GPM6A: variants seen among roughly 807,000 people sequenced by gnomAD.
The protein encoded by GPM6A is glycoprotein M6A.
Under a neutral mutation model 32.1 loss-of-function variants are expected in GPM6A, and 7 were observed. That is an observed-to-expected ratio of 0.22 (90% CI 0.12 to 0.41). GPM6A has a LOEUF of 0.41. GPM6A is among the 10% of genes least tolerant of loss of function. The pLI is 1.00. For synonymous variants in GPM6A, 130 were observed against 123.4 expected (o/e 1.05, Z -0.35); for missense variants, 235 against 347.2 (o/e 0.68, Z 2.57).
intron 1 of GPM6A, among the ~76,000 whole-genome samples, chr4:176,002,071 C>G (rs894432962): frequency 1.3e-5 from 2 of 151,928 alleles, no homozygotes; most frequent in African/African-American, 4.8e-5. Context: ...CCTCCCGACC[C>G]ACTGTAAACA....
intron 1 of GPM6A, among the ~76,000 whole-genome samples, chr4:175,831,456 A>G (rs1483967641): frequency 2.0e-5 from 3 of 152,178 alleles, no homozygotes; most frequent in Admixed American, 2.0e-4. Context: ...TGAACAGACC[A>G]ATCTCCCAAT....
At chr4:175,659,228 G>A (rs1742262650) in intron 3 of GPM6A, among the ~76,000 whole-genome samples, 1 of 151,798 alleles carries the variant, frequency 6.6e-6, no homozygotes, top group Non-Finnish European at 1.5e-5. Context: ...GACTACAGGT[G>A]CACGCCGCAG....
chr4:175,687,032 A>G (rs1216651335), intron 2 of GPM6A, among the ~76,000 whole-genome samples: 1 of 152,234 alleles, frequency 6.6e-6, no homozygotes, highest in African/African-American at 2.4e-5. Context: ...GTGTATAGAT[A>G]TATTGAAGTT....
chr4:175,889,799 C>T (rs1462168180), intron 1 of GPM6A, among the ~76,000 whole-genome samples: 3 of 151,240 alleles, frequency 2.0e-5, no homozygotes, highest in Non-Finnish European at 4.4e-5. Flanking sequence ...GGTGACAGAG[C>T]GAGACTCCGT....
intron 1 of GPM6A, among the ~76,000 whole-genome samples, chr4:175,949,975 T>G (rs1212366529): frequency 1.3e-5 from 2 of 152,214 alleles, no homozygotes; most frequent in African/African-American, 4.8e-5. Flanking sequence ...GATAAAGTTC[T>G]TAGTAATCAG....
intron 1 of GPM6A, among the ~76,000 whole-genome samples, chr4:175,788,284 C>T (rs953103502): frequency 1.3e-5 from 2 of 151,968 alleles, no homozygotes; most frequent in Non-Finnish European, 2.9e-5. Flanking sequence ...AGGATGAAAG[C>T]AAAGATTTTT....
intron 1 of GPM6A, among the ~76,000 whole-genome samples, chr4:175,956,558 T>C (rs1369433379): frequency 1.3e-5 from 2 of 152,210 alleles, no homozygotes; most frequent in Non-Finnish European, 2.9e-5. Flanking sequence ...AAATGATTTC[T>C]CAGTCAAATA....
At chr4:175,921,399 G>A (rs1378754391) in intron 1 of GPM6A, among the ~76,000 whole-genome samples, 2 of 151,926 alleles carry the variant, frequency 1.3e-5, no homozygotes, top group Non-Finnish European at 2.9e-5. Flanking sequence ...CACTGAAAAA[G>A]ACAGTGGAAA....
At chr4:175,681,327 T>C (rs1469720713) in intron 2 of GPM6A, among the ~76,000 whole-genome samples, 2 of 152,196 alleles carry the variant, frequency 1.3e-5, no homozygotes, top group African/African-American at 4.8e-5. Flanking sequence ...TATTGCTTTA[T>C]TTATCTTAGG....
At chr4:175,930,508 C>G (rs1345849311) in intron 1 of GPM6A, among the ~76,000 whole-genome samples, 1 of 151,196 alleles carries the variant, frequency 6.6e-6, no homozygotes, top group African/African-American at 2.4e-5. Flanking sequence ...TATTATACAG[C>G]TTATTTTATG....
intron 1 of GPM6A, among the ~76,000 whole-genome samples, chr4:175,873,753 T>G (rs969978488): frequency 2.0e-5 from 3 of 152,228 alleles, no homozygotes; most frequent in Non-Finnish European, 2.9e-5. Flanking sequence ...TCTCTTGGTC[T>G]CCTCACTATT....
intron 1 of GPM6A, among the ~76,000 whole-genome samples, chr4:175,931,141 C>A (rs1399995727): frequency 6.6e-6 from 1 of 152,138 alleles, no homozygotes; most frequent in African/African-American, 2.4e-5. Context: ...GAGATAGGCA[C>A]AGTTCTAAGA....
intron 1 of GPM6A, among the ~76,000 whole-genome samples, chr4:175,702,982 C>T (rs953320940): frequency 1.3e-5 from 2 of 152,170 alleles, no homozygotes; most frequent in Non-Finnish European, 2.9e-5. Context: ...ATTGGACACA[C>T]CAATCCCTGT....
chr4:175,642,312 C>T (rs1741195714), intron 4 of GPM6A, among the ~76,000 whole-genome samples: 2 of 152,126 alleles, frequency 1.3e-5, no homozygotes, highest in Admixed American at 6.6e-5. Context: ...CCATTACAGA[C>T]TTTATTTTGT....
chr4:175,904,245 G>A (rs1187218753), intron 1 of GPM6A, among the ~76,000 whole-genome samples: 2 of 152,106 alleles, frequency 1.3e-5, no homozygotes, highest in Admixed American at 6.6e-5. Context: ...TAGCAAATGT[G>A]TTTTTCAGTT....
intron 1 of GPM6A, among the ~76,000 whole-genome samples, chr4:175,722,582 T>C (rs1479685563): frequency 3.9e-5 from 6 of 152,130 alleles, no homozygotes; most frequent in Non-Finnish European, 8.8e-5. Flanking sequence ...CTGGTGTCCA[T>C]AATTTACTTT....
chr4:175,657,925 GA>G, intron 3 of GPM6A, among the ~76,000 whole-genome samples: 1 of 152,142 alleles, frequency 6.6e-6, no homozygotes, highest in East Asian at 1.9e-4. Flanking sequence ...ACTGCAAAGG[GA>G]AAAAACATTA....
chr4:175,885,584 T>C (rs1737426145), intron 1 of GPM6A, among the ~76,000 whole-genome samples: 1 of 152,136 alleles, frequency 6.6e-6, no homozygotes, highest in African/African-American at 2.4e-5. Flanking sequence ...TGATGCATGA[T>C]TGAACCATTG....
chr4:175,777,995 T>C, intron 1 of GPM6A, among the ~76,000 whole-genome samples: 1 of 152,198 alleles, frequency 6.6e-6, no homozygotes. Flanking sequence ...TGCAAACTAC[T>C]TTTTTAGAAT....
Sources: allele counts gnomAD v4.1 joint callset (sites outside exome capture counted in the v4.1 genomes callset), GRCh38; gene constraint gnomAD v4.1.1; transcripts MANE v1.5; gene names NCBI Gene and HGNC (gene_info 2026-07-23, HGNC 2026-07-21).